Variants in DMD observed in about 807,000 individuals in gnomAD.
The protein encoded by DMD is mutant dystrophin.
Under a neutral mutation model 330.1 loss-of-function variants are expected in DMD, and 63 were observed. That is an observed-to-expected ratio of 0.19 (90% CI 0.16 to 0.24). DMD has a LOEUF of 0.24. DMD is among the 10% of genes least tolerant of loss of function. The pLI, the probability that DMD is intolerant of heterozygous loss-of-function variation, is 1.00. For missense variants in DMD, 3,344 were observed against 2,684.1 expected (o/e 1.25, Z -5.43); for synonymous variants, 1,223 against 959.8 (o/e 1.27, Z -5.07).
intron 1 of DMD, among the ~76,000 whole-genome samples, chrX:33,044,917 A>G (rs897216516): frequency 3.6e-5 from 4 of 112,087 alleles, no homozygotes; most frequent in African/African-American, 1.3e-4. Context: ...TATGCATATA[A>G]AGCAGACCCA....
Position 32,463,572 on chromosome X carries a change from G to A in DMD, c.3299C>T (p.Thr1100Ile). Reference sequence around the variant, plus strand: ...GACACTGTTTAGACTGGGCTGAATTGTCTGAATATCACTGACTAAAAGCTA... The same window carrying A: ...GACACTGTTTAGACTGGGCTGAATTATCTGAATATCACTGACTAAAAGCTA... ...QCRLLVSDIQ[T>I]IQPSLNSVNE... Residue 1100 changes from threonine to isoleucine, a missense_variant, in exon 25 of 79, where the codon ACA (threonine) becomes ATA (isoleucine). By Grantham distance (89) the Thr-to-Ile change is moderately conservative. Coordinates refer to ENST00000357033, the MANE Select transcript of DMD (RefSeq NM_004006.3). The A allele has an allele frequency of 8.5e-7, 1 of 1,174,930 alleles. No homozygotes were observed. The highest frequency in any genetic ancestry group is 1.1e-6 in the Non-Finnish European group (1 of 876,053).
chrX:32,616,368 T>C (rs911799428), intron 11 of DMD, among the ~76,000 whole-genome samples: 5 of 111,269 alleles, frequency 4.5e-5, no homozygotes, highest in Non-Finnish European at 7.6e-5. Flanking sequence ...TTTTCTGCAT[T>C]GGAGATTTGT....
At chrX:31,355,238 C>T (rs2058613710) in intron 60 of DMD, among the ~76,000 whole-genome samples, 1 of 111,891 alleles carries the variant, frequency 8.9e-6, no homozygotes, top group Non-Finnish European at 1.9e-5. Context: ...CTGTTAATTA[C>T]TCTACTTTGA....
intron 25 of DMD, among the ~76,000 whole-genome samples, chrX:32,459,178 A>T (rs6527203): frequency 0.2 from 22,393 of 110,615 alleles, 3,213 homozygotes; most frequent in African/African-American, 0.51. Flanking sequence ...AACAAAAAAA[A>T]TAAATAAATT....
chrX:33,253,547 G>T (rs2052805907), intron 1 of DMD, among the ~76,000 whole-genome samples: 1 of 111,472 alleles, frequency 9.0e-6, no homozygotes, highest in Non-Finnish European at 1.9e-5. Context: ...GAATTTTAAT[G>T]TACTGTAGAC....
rs376504877 is a variant in DMD at position 32,095,604 on chromosome X, T to G, written c.6438+121312A>C. ...CAATAATTCACATCAAAGTACATTC[T>G]AGTTCTTTATATCACATAGAAATAA... On this transcript the variant is annotated intron_variant, in intron 44 of 78. Coordinates refer to ENST00000357033, the MANE Select transcript of DMD (RefSeq NM_004006.3). 3.6e-5 allele frequency among the ~76,000 whole-genome samples: 4 copies of G among 112,570 alleles called. No individual in the cohort carries two copies. In the East Asian group the frequency reaches 8.4e-4, roughly 24 times the overall value.
chrX:32,964,933 A>G (rs144114589), intron 2 of DMD, among the ~76,000 whole-genome samples: 1,204 of 111,877 alleles, frequency 0.011, 15 homozygotes, highest in African/African-American at 0.037. Context: ...ACAAAATCAA[A>G]CTGACTACAA....
Position 33,219,875 on chromosome X carries a change from C to G in DMD, c.7+119384G>C, listed in dbSNP as rs373673433. 2.3e-4 allele frequency among the ~76,000 whole-genome samples: 25 copies of G among 111,015 alleles called. No homozygotes were observed. In the East Asian group the frequency reaches 3.4e-3, roughly 15 times the overall value. On this transcript the variant is annotated intron_variant, in intron 1 of 17. Transcript: ENST00000288447. ...TGGTAGGAAATATAGGTAGCAGATT[C>G]AAAAGCATTTAACAGATAATAATTC...
chrX:33,331,191 C>T (rs1438217405), intron 1 of DMD, among the ~76,000 whole-genome samples: 3 of 111,612 alleles, frequency 2.7e-5, no homozygotes, highest in African/African-American at 9.8e-5. Flanking sequence ...ACTCTGTTTC[C>T]TGCCACTGTG....
At chrX:32,555,127 G>C (rs1383459083) in intron 16 of DMD, among the ~76,000 whole-genome samples, 1 of 110,520 alleles carries the variant, frequency 9.0e-6, no homozygotes, top group Non-Finnish European at 1.9e-5. Context: ...TTCATCCCTA[G>C]CATGCAAGGT....
chrX:33,224,858 T>C (rs2052256848), intron 1 of DMD, among the ~76,000 whole-genome samples: 1 of 111,451 alleles, frequency 9.0e-6, no homozygotes, highest in South Asian at 3.8e-4. Flanking sequence ...TCAATTTTGC[T>C]GTGAACCTAA....
intron 57 of DMD, among the ~76,000 whole-genome samples, 157 bp from the exon 58 acceptor site, chrX:31,479,260 A>C (rs762955724): frequency 8.9e-5 from 10 of 111,773 alleles, no homozygotes; most frequent in Non-Finnish European, 1.9e-4. Context: ...TTTAAAGGCT[A>C]TATGGGTCTA....
chrX:31,654,458 G>A (rs1303283620), intron 54 of DMD, among the ~76,000 whole-genome samples: 1 of 110,675 alleles, frequency 9.0e-6, no homozygotes. Flanking sequence ...CCCAAATATT[G>A]ACATTATTAA....
chrX:31,885,195 T>A (rs755616487), intron 47 of DMD, among the ~76,000 whole-genome samples: 1 of 111,485 alleles, frequency 9.0e-6, no homozygotes, highest in Non-Finnish European at 1.9e-5. Context: ...ATAAATAATA[T>A]TCATAAGGTT....
intron 71 of DMD, 31 bp downstream of exon 71, chrX:31,177,901 A>T: frequency 8.6e-7 from 1 of 1,163,226 alleles, no homozygotes; most frequent in African/African-American, 1.8e-5. Context: ...TGTTGGTGGT[A>T]GCAGCACCCT....
chrX:31,123,804 A>G (rs943828726), intron 78 of DMD, among the ~76,000 whole-genome samples: 1 of 112,152 alleles, frequency 8.9e-6, no homozygotes, highest in Admixed American at 9.5e-5. Flanking sequence ...GTAGCTAGAA[A>G]ACATATTACA....
rs1250374668 is a variant in DMD, at chrX:32,342,058, G to T, written c.5922+42C>A. On this transcript the variant is annotated intron_variant, in intron 41 of 78. Coordinates refer to ENST00000357033, the MANE Select transcript of DMD (RefSeq NM_004006.3). ...TTAGTAGGCCTCTGTTAATAGAGTAGTAGTTGCAAACACATACGTGGGTTT... is the reference window on the plus strand; with the variant it reads ...TTAGTAGGCCTCTGTTAATAGAGTATTAGTTGCAAACACATACGTGGGTTT... The T allele has an allele frequency of 3.5e-6, 4 of 1,157,741 alleles. No homozygotes were observed. In the African/African-American group the frequency reaches 7.2e-5, roughly 21 times the overall value.
At chrX:33,014,831 T>G (rs1174064487) in intron 2 of DMD, among the ~76,000 whole-genome samples, 1 of 94,049 alleles carries the variant, frequency 1.1e-5, no homozygotes, top group Non-Finnish European at 2.0e-5. Flanking sequence ...GTTTATATGA[T>G]TTACTATTTA....
intron 30 of DMD, among the ~76,000 whole-genome samples, chrX:32,408,878 A>G (rs865959910): frequency 9.6e-5 from 10 of 104,270 alleles, no homozygotes; most frequent in African/African-American, 1.4e-4. Flanking sequence ...CTATCTATCT[A>G]TCTATCTATC....
Sources: gnomAD v4.1 joint callset for allele counts (sites outside exome capture counted in the v4.1 genomes callset) on GRCh38, gnomAD v4.1.1 for gene constraint, MANE v1.5 for transcripts, NCBI Gene and HGNC (gene_info 2026-07-23, HGNC 2026-07-21) for gene names.